PAK5: variants seen among roughly 807,000 people sequenced by gnomAD.
The protein encoded by PAK5 is p21 (RAC1) activated kinase 5.
In PAK5, 16 loss-of-function variants were observed where a neutral mutation model predicts 65.9. The ratio of observed to expected loss-of-function variants is 0.24; its 90% CI spans 0.16 to 0.37. PAK5 has a LOEUF of 0.37. PAK5 is among the 10% of genes least tolerant of loss of function. The pLI is 1.00. For missense variants in PAK5, 785 were observed against 903.9 expected, an observed-to-expected ratio of 0.87 and a Z score of 1.69; for synonymous variants, 371 against 354.9, an observed-to-expected ratio of 1.05 and a Z score of -0.51.
chr20:9,778,846 C>T (rs888825887), intron 1 of PAK5, among the ~76,000 whole-genome samples: 2 of 152,126 alleles, frequency 1.3e-5, no homozygotes, highest in African/African-American at 2.4e-5. Flanking sequence ...CTCAGGAAAC[C>T]GCAACGTAAG....
chr20:9,759,880 T>C (rs1392155860), intron 1 of PAK5, among the ~76,000 whole-genome samples: 1 of 152,152 alleles, frequency 6.6e-6, no homozygotes, highest in Non-Finnish European at 1.5e-5. Context: ...TCGTAACATA[T>C]ACCAACCATC....
chr20:9,677,999 A>G (rs944839197), intron 2 of PAK5, among the ~76,000 whole-genome samples: 1 of 152,216 alleles, frequency 6.6e-6, no homozygotes, highest in African/African-American at 2.4e-5. Context: ...CTGAGAAGGG[A>G]CCATGGGCTC....
chr20:9,544,157 C>T (rs1166638652), intron 8 of PAK5, among the ~76,000 whole-genome samples: 1 of 152,136 alleles, frequency 6.6e-6, no homozygotes, highest in Non-Finnish European at 1.5e-5. Flanking sequence ...AATAAACAGC[C>T]CTTGGATAAA....
At chr20:9,595,106 TACAC>T (rs1568987130) in intron 3 of PAK5, among the ~76,000 whole-genome samples, 2 of 150,882 alleles carry the variant, frequency 1.3e-5, no homozygotes, top group East Asian at 1.9e-4. Flanking sequence ...TACATATATA[TACAC>T]ATATACATAT....
At chr20:9,570,131 C>A (rs187417192) in intron 4 of PAK5, among the ~76,000 whole-genome samples, 1 of 152,270 alleles carries the variant, frequency 6.6e-6, no homozygotes, top group East Asian at 1.9e-4. Flanking sequence ...TTCCTTTGGT[C>A]ACTGAACTCT....
chr20:9,549,220 A>G (rs2045390538), intron 7 of PAK5, among the ~76,000 whole-genome samples: 1 of 152,110 alleles, frequency 6.6e-6, no homozygotes, highest in African/African-American at 2.4e-5. Context: ...TCCTTATGAT[A>G]TATCACTTTT....
intron 2 of PAK5, among the ~76,000 whole-genome samples, chr20:9,649,105 G>T (rs1341451115): frequency 3.9e-5 from 6 of 152,126 alleles, no homozygotes; most frequent in African/African-American, 1.4e-4. Context: ...GGCAATTCAA[G>T]AATTAATTTG....
At chr20:9,704,004 AAAG>A (rs1484685996) in intron 2 of PAK5, among the ~76,000 whole-genome samples, 4 of 152,184 alleles carry the variant, frequency 2.6e-5, no homozygotes, top group African/African-American at 7.2e-5. Flanking sequence ...TCTGTCAGAA[AAAG>A]AAGGATGACG....
chr20:9,544,197 A>T (rs894742576), intron 8 of PAK5, among the ~76,000 whole-genome samples, 172 bp downstream of exon 8: 1 of 152,156 alleles, frequency 6.6e-6, no homozygotes, highest in Non-Finnish European at 1.5e-5. Context: ...AGGGGTGGCC[A>T]GGCTCCCACC....
chr20:9,629,991 C>T (rs1013784555), intron 3 of PAK5, among the ~76,000 whole-genome samples: 17 of 152,084 alleles, frequency 1.1e-4, no homozygotes, highest in African/African-American at 3.6e-4. Flanking sequence ...ATGTGAAGTT[C>T]GGTGAAATAG....
rs189578414 is a variant in PAK5, at chr20:9,724,832, C to T, written c.-161-13397G>A. Among the ~76,000 whole-genome samples the T allele has an allele frequency of 1.3e-3, 192 of 152,142 alleles. 2 individuals are homozygous for T. The highest frequency in any genetic ancestry group is 0.012 in the Admixed American group (189 of 15,278). On this transcript the variant is annotated intron_variant, in intron 1 of 9. Transcript: ENST00000353224. Reference sequence around the variant, plus strand: ...AAGAATGAAAAAGACCTAGTATTTGCTAGCACAGTAGCATAATTATAGTAA... The same window carrying T: ...AAGAATGAAAAAGACCTAGTATTTGTTAGCACAGTAGCATAATTATAGTAA...
intron 1 of PAK5, among the ~76,000 whole-genome samples, chr20:9,748,363 A>C (rs1276874126): frequency 1.3e-5 from 2 of 152,210 alleles, no homozygotes; most frequent in Non-Finnish European, 2.9e-5. Context: ...GAACCAAAAA[A>C]GAGCATGCAT....
chr20:9,736,027 G>A (rs888805721), intron 1 of PAK5, among the ~76,000 whole-genome samples: 3 of 150,846 alleles, frequency 2.0e-5, no homozygotes, highest in African/African-American at 7.3e-5. Flanking sequence ...TCAGCCTCCC[G>A]AGTAGCTGGG....
intron 2 of PAK5, among the ~76,000 whole-genome samples, chr20:9,694,139 T>C (rs2047835577): frequency 6.6e-6 from 1 of 152,088 alleles, no homozygotes. Flanking sequence ...ATATGTCCAA[T>C]GAGGAATTTA....
chr20:9,792,726 T>C (rs1314615628), intron 1 of PAK5, among the ~76,000 whole-genome samples: 2 of 152,108 alleles, frequency 1.3e-5, no homozygotes, highest in Non-Finnish European at 2.9e-5. Context: ...TGATATTCCA[T>C]TTATATTTTA....
At chr20:9,718,214 A>T (rs567441151) in intron 1 of PAK5, among the ~76,000 whole-genome samples, 1 of 152,054 alleles carries the variant, frequency 6.6e-6, no homozygotes, top group African/African-American at 2.4e-5. Flanking sequence ...CTAAAATTCT[A>T]TGGTATATAA....
chr20:9,630,816 C>T lies in PAK5; in HGVS notation c.204+13309G>A, dbSNP rs569449394. 3.9e-5 allele frequency among the ~76,000 whole-genome samples: 6 copies of T among 152,282 alleles called. No individual in the cohort carries two copies. The East Asian group carries it at 7.7e-4, about 20-fold the overall frequency. ...GCCTGGCTGGATTTCAGAAGAGTCACGGACCAGTAATTCCCTTTTTCCTTC... is the reference window on the plus strand; with the variant it reads ...GCCTGGCTGGATTTCAGAAGAGTCATGGACCAGTAATTCCCTTTTTCCTTC... On this transcript the variant is annotated intron_variant, in intron 3 of 9. Transcript: ENST00000353224.
At chr20:9,822,290 C>CAAA (rs34256527) in intron 1 of PAK5, among the ~76,000 whole-genome samples, 5 of 116,700 alleles carry the variant, frequency 4.3e-5, no homozygotes, top group African/African-American at 9.9e-5. Context: ...AGATCTGTCT[C>CAAA]AAAAAAAAAA....
intron 3 of PAK5, among the ~76,000 whole-genome samples, chr20:9,617,301 T>C (rs1387992625): frequency 6.6e-6 from 1 of 152,120 alleles, no homozygotes; most frequent in Non-Finnish European, 1.5e-5. Flanking sequence ...AAAATTTCAA[T>C]CAGTGGAAAG....
Sources: gnomAD v4.1 joint callset for allele counts (sites outside exome capture counted in the v4.1 genomes callset) on GRCh38, gnomAD v4.1.1 for gene constraint, MANE v1.5 for transcripts, NCBI Gene and HGNC (gene_info 2026-07-23, HGNC 2026-07-21) for gene names.